The following OPRPN variants were observed in gnomAD, a reference collection of about 807,000 sequenced individuals.
OPRPN encodes basic proline-rich lacrimal protein.
A neutral mutation model predicts 2.2 loss-of-function variants in OPRPN; 1 was observed. The ratio of observed to expected loss-of-function variants is 0.45; its 90% CI spans 0.16 to 2.15. The LOEUF is 2.15. Among genes scored for constraint, OPRPN ranks in the 30% most tolerant of loss-of-function variants. The pLI is 0.28. For synonymous variants in OPRPN, 126 were observed against 111.5 expected (o/e 1.13, Z -0.82); for missense variants, 306 against 297.3 (o/e 1.03, Z -0.21).
intron 2 of OPRPN, among the ~76,000 whole-genome samples, chr4:70,402,911 G>C (rs979335267): frequency 5.3e-5 from 8 of 152,044 alleles, no homozygotes; most frequent in Non-Finnish European, 7.4e-5. Flanking sequence ...GAGAGTTAGA[G>C]GAGGGTGAGG....
intron 2 of OPRPN, among the ~76,000 whole-genome samples, chr4:70,401,540 C>T (rs2109768914): frequency 6.6e-6 from 1 of 152,140 alleles, no homozygotes; most frequent in African/African-American, 2.4e-5. Context: ...CCTCAAACCT[C>T]ACAAAAACCC....
intron 2 of OPRPN, among the ~76,000 whole-genome samples, chr4:70,401,163 G>A (rs1013211648): frequency 1.3e-5 from 2 of 151,962 alleles, no homozygotes; most frequent in African/African-American, 2.4e-5. Flanking sequence ...CCTTGAAAGA[G>A]TATAGAATCC....
chr4:70,407,929 G>A (rs1283451655), intron 2 of OPRPN, among the ~76,000 whole-genome samples: 1 of 152,134 alleles, frequency 6.6e-6, no homozygotes, highest in Non-Finnish European at 1.5e-5. Context: ...ATGTGAATTA[G>A]AAGGCAAGAT....
At position 70,409,457 on chromosome 4, in the gene OPRPN, A is replaced by G. The variant is rs1733165848; in HGVS notation, c.129A>G (p.Arg43=). The G allele has an allele frequency of 6.2e-7, 1 of 1,614,082 alleles. No homozygotes were observed. Among genetic ancestry groups the G allele is most frequent in the Non-Finnish European group, 8.5e-7 (1 of 1,180,004 alleles). ...CACCACCTCCACTCTACAGGCCAAG[A>G]TGGGTTCCACCAAGTCCCCCACCTC... ...QLPPPPLYRP[R]WVPPSPPPPY... is the part of the protein sequence containing the mutation. Residue 43 remains arginine, a synonymous_variant, in exon 3 of 3, where the codon AGA becomes AGG. Coordinates refer to ENST00000399575, the MANE Select transcript of OPRPN (RefSeq NM_021225.5).
intron 2 of OPRPN, chr4:70,399,698 T>C (rs895138537): frequency 5.6e-5 from 9 of 159,818 alleles, no homozygotes; most frequent in Non-Finnish European, 1.2e-4. Flanking sequence ...CTGTAGGGAA[T>C]AAGAAAGCAT....
At position 70,409,602 on chromosome 4, in the gene OPRPN, T is replaced by C. The variant is rs781249696; in HGVS notation, c.274T>C (p.Ser92Pro). ...TCTATCTCAACTCTTTCCATTGGAA[T>C]CTATTAGACAACCTCGACTCTTTCC... ...VILSQLFPLE[S>P]IRQPRLFPGY... The change falls in exon 3 of 3, where the codon TCT becomes CCT. Residue 92 changes from serine to proline, a missense_variant. Ser to Pro is a moderately conservative substitution (Grantham distance 74). Transcript: ENST00000399575. 12 of 1,613,724 alleles carry C rather than the reference T, an allele frequency of 7.4e-6. No homozygotes were observed. Among genetic ancestry groups the C allele is most frequent in the East Asian group, 2.2e-5 (1 of 44,894 alleles).
intron 2 of OPRPN, 55 bp downstream of exon 2, chr4:70,399,391 C>A (rs1013822070): frequency 6.9e-7 from 1 of 1,455,822 alleles, no homozygotes; most frequent in South Asian, 1.2e-5. Context: ...ATCATGATTT[C>A]AAAGAAAGTT....
At chr4:70,398,133 T>C (rs1560531464) in intron 1 of OPRPN, 93 bp downstream of exon 1, 1 of 151,790 alleles carries the variant, frequency 6.6e-6, no homozygotes, top group South Asian at 2.1e-4. Flanking sequence ...TGGCTTTTAA[T>C]GGAAATAGCC....
At chr4:70,407,559 G>T (rs6856389) in intron 2 of OPRPN, among the ~76,000 whole-genome samples, 1 of 152,098 alleles carries the variant, frequency 6.6e-6, no homozygotes, top group African/African-American at 2.4e-5. Context: ...CCAGATAAAA[G>T]GGAAATTGAG....
rs1257828823 is a variant in OPRPN, at chr4:70,409,461, G to C, written c.133G>C (p.Val45Leu). The change falls in exon 3 of 3, where the codon GTT becomes CTT. Residue 45 changes from valine to leucine, a missense_variant. Physicochemically the swap from Val to Leu is conservative, Grantham distance 32. Coordinates refer to ENST00000399575, the MANE Select transcript of OPRPN (RefSeq NM_021225.5). Reference sequence around the variant, plus strand: ...ACCTCCACTCTACAGGCCAAGATGGGTTCCACCAAGTCCCCCACCTCCCTA... The same window carrying C: ...ACCTCCACTCTACAGGCCAAGATGGCTTCCACCAAGTCCCCCACCTCCCTA... ...PPPPLYRPRWVPPSPPPPYDS... is the reference protein window; with the variant it reads ...PPPPLYRPRWLPPSPPPPYDS... The C allele has an allele frequency of 1.7e-5, 28 of 1,613,882 alleles. No individual in the cohort carries two copies. Among genetic ancestry groups the C allele is most frequent in the Non-Finnish European group, 2.3e-5 (27 of 1,180,004 alleles).
intron 1 of OPRPN, among the ~76,000 whole-genome samples, chr4:70,398,692 T>C (rs534587362): frequency 6.6e-6 from 1 of 152,014 alleles, no homozygotes; most frequent in South Asian, 2.1e-4. Context: ...TAGACAATAA[T>C]TGACTTTTGG....
At chr4:70,407,828 T>A (rs1366953544) in intron 2 of OPRPN, among the ~76,000 whole-genome samples, 1 of 152,190 alleles carries the variant, frequency 6.6e-6, no homozygotes, top group African/African-American at 2.4e-5. Context: ...AGACTGGTCT[T>A]AAACAGGAAG....
At chr4:70,403,530 G>A (rs1285618899) in intron 2 of OPRPN, among the ~76,000 whole-genome samples, 1 of 152,062 alleles carries the variant, frequency 6.6e-6, no homozygotes, top group Non-Finnish European at 1.5e-5. Context: ...TTATTCATGA[G>A]TTTGCAAAAA....
chr4:70,404,399 A>G (rs1733044270), intron 2 of OPRPN, among the ~76,000 whole-genome samples: 1 of 152,104 alleles, frequency 6.6e-6, no homozygotes, highest in Non-Finnish European at 1.5e-5. Flanking sequence ...TCCATCTATG[A>G]GCACAAATCC....
At position 70,410,118 on chromosome 4, in the gene OPRPN, G is replaced by A. The variant is rs1195956605; in HGVS notation, c.*43G>A. The A allele has an allele frequency of 1.4e-6, 2 of 1,418,286 alleles. No individual in the cohort carries two copies. The highest frequency in any genetic ancestry group is 1.9e-6 in the Non-Finnish European group (2 of 1,051,310). 87.9% of individuals were successfully genotyped at this position (1,418,286 alleles called of 1,614,324 possible). A position where few individuals can be genotyped will look rare whatever the true frequency, so the allele number is the denominator to read the frequency against. On this transcript the variant is annotated 3_prime_UTR_variant, in exon 3 of 3. Coordinates refer to ENST00000399575, the MANE Select transcript of OPRPN (RefSeq NM_021225.5). ...TTTTCCAAACTGCTCTGATATCTTA[G>A]AAGAAATAAACTGCAATGATTTTGA...
At chr4:70,398,991 CA>C (rs1364808698) in intron 1 of OPRPN, among the ~76,000 whole-genome samples, 2 of 149,418 alleles carry the variant, frequency 1.3e-5, no homozygotes, top group Non-Finnish European at 3.0e-5. Context: ...AAGGAATTTC[CA>C]AAAATACTTT....
rs373104673 is a variant in OPRPN, at chr4:70,403,386, CA to C, written c.51+4054del. Among the ~76,000 whole-genome samples the C allele has an allele frequency of 1.3e-3, 193 of 152,162 alleles. 6 individuals carry two copies. The South Asian group carries it at 0.038, about 30-fold the overall frequency. On this transcript the variant is annotated intron_variant, in intron 2 of 2. Transcript: ENST00000399575. ...TATGTTCCAGTAAAACTTTATTTACCAAAACAGGCAAACTACATTTGGCCCA... is the reference window on the plus strand; with the variant it reads ...TATGTTCCAGTAAAACTTTATTTACCAAACAGGCAAACTACATTTGGCCCA...
chr4:70,402,238 A>G (rs899937168), intron 2 of OPRPN, among the ~76,000 whole-genome samples: 2 of 152,064 alleles, frequency 1.3e-5, no homozygotes, highest in Non-Finnish European at 2.9e-5. Flanking sequence ...GAGCCCCATA[A>G]GTCTACATTT....
In OPRPN at chr4:70,409,999, C is replaced by T. The variant is rs766684267; in HGVS notation, c.671C>T (p.Thr224Met). Residue 224 changes from threonine (T) to methionine (M), a missense_variant, in exon 3 of 3, where the codon ACG becomes ATG. Physicochemically the swap from Thr to Met is moderately conservative, Grantham distance 81 (BLOSUM62 -1). Coordinates refer to ENST00000399575, the MANE Select transcript of OPRPN (RefSeq NM_021225.5). ...TVLLNATVQV[T>M]TSNQTILSSP... ...TTGCTCAATGCCACTGTCCAAGTTA[C>T]GACTTCCAACCAAACTATATTAAGC... 6.2e-6 allele frequency: 10 copies of T among 1,612,110 alleles called. No homozygotes were observed. Among genetic ancestry groups the T allele is most frequent in the Middle Eastern group, 1.6e-4 (1 of 6,066 alleles).
Sources: gnomAD v4.1 joint callset for allele counts (sites outside exome capture counted in the v4.1 genomes callset) on GRCh38, gnomAD v4.1.1 for gene constraint, MANE v1.5 for transcripts, NCBI Gene and HGNC (gene_info 2026-07-23, HGNC 2026-07-21) for gene names.